The following CLDN14 variants were observed in gnomAD, a reference collection of about 807,000 sequenced individuals.
CLDN14 encodes the protein claudin-14.
Under a neutral mutation model 2.1 loss-of-function variants are expected in CLDN14, and 2 were observed. The observed-to-expected ratio is 0.96, with a 90% CI of 0.39 to 3.01. CLDN14 has a LOEUF of 3.01. Ranked by LOEUF, CLDN14 falls within the 30% of genes most tolerant of loss-of-function variation. The pLI, the probability that CLDN14 is intolerant of heterozygous loss-of-function variation, is 0.09. For missense variants in CLDN14, 298 were observed against 328.0 expected, an observed-to-expected ratio of 0.91 and a Z score of 0.71; for synonymous variants, 136 against 154.4, an observed-to-expected ratio of 0.88 and a Z score of 0.88.
chr21:36,557,767 C>T (rs937836655), intron 1 of CLDN14, among the ~76,000 whole-genome samples: 1 of 152,166 alleles, frequency 6.6e-6, no homozygotes, highest in South Asian at 2.1e-4. Flanking sequence ...TTTTCCTTGG[C>T]TATGCAGAAG....
chr21:36,505,478 C>T (rs939623498), intron 2 of CLDN14, among the ~76,000 whole-genome samples: 1 of 152,134 alleles, frequency 6.6e-6, no homozygotes, highest in African/African-American at 2.4e-5. Flanking sequence ...AGAACAGGAG[C>T]ACTTAGATGA....
chr21:36,496,272 CA>C (rs1199951720), intron 2 of CLDN14, among the ~76,000 whole-genome samples: 1 of 151,286 alleles, frequency 6.6e-6, no homozygotes, highest in Non-Finnish European at 1.5e-5. Context: ...CCCATCTCTA[CA>C]AAAAAATACA....
intron 2 of CLDN14, among the ~76,000 whole-genome samples, chr21:36,496,515 G>A (rs565829104): frequency 6.7e-6 from 1 of 149,988 alleles, no homozygotes; most frequent in South Asian, 2.1e-4. Context: ...TTTCTTCTAG[G>A]GACGAATCCC....
chr21:36,481,240 T>A (rs1362826457), upstream of CLDN14, among the ~76,000 whole-genome samples: 1 of 152,134 alleles, frequency 6.6e-6, no homozygotes. Flanking sequence ...TTTCGTTAGA[T>A]CCTCCACCCC....
chr21:36,512,685 GTGTA>G (rs1220135899), intron 1 of CLDN14, among the ~76,000 whole-genome samples: 1 of 152,152 alleles, frequency 6.6e-6, no homozygotes, highest in Non-Finnish European at 1.5e-5. Flanking sequence ...GGACATATAT[GTGTA>G]TGCATGTGAA....
chr21:36,495,549 CA>C (rs2087008163), intron 2 of CLDN14, among the ~76,000 whole-genome samples: 1 of 152,188 alleles, frequency 6.6e-6, no homozygotes, highest in South Asian at 2.1e-4. Flanking sequence ...CTGACTTCAT[CA>C]AAAAAGCAGG....
rs185976630 is a variant in CLDN14 at position 36,528,119 on chromosome 21, C to T, written c.-219-17619G>A. Among the ~76,000 whole-genome samples the T allele has an allele frequency of 7.0e-3, 1,062 of 152,250 alleles. 13 individuals are homozygous for T. Among genetic ancestry groups the T allele is most frequent in the African/African-American group, 0.024 (998 of 41,548 alleles). ...CTCTCAGATCATCCTTGTTTTTCAA[C>T]TTCTCTGTTTGATTCCAGCAAATTC... On this transcript the variant is annotated intron_variant, in intron 1 of 2. Coordinates refer to the CLDN14 transcript ENST00000342108.
At chr21:36,561,354 A>G (rs1441778835) in intron 1 of CLDN14, among the ~76,000 whole-genome samples, 1 of 152,126 alleles carries the variant, frequency 6.6e-6, no homozygotes, top group African/African-American at 2.4e-5. Context: ...AACCAAGGGA[A>G]ATTTTTTCTT....
At chr21:36,517,724 C>T (rs1349856463) in intron 1 of CLDN14, among the ~76,000 whole-genome samples, 1 of 152,186 alleles carries the variant, frequency 6.6e-6, no homozygotes, top group Non-Finnish European at 1.5e-5. Context: ...ATTAATTTTA[C>T]AGGGCAACTT....
At chr21:36,546,708 A>G (rs528151660) in intron 1 of CLDN14, among the ~76,000 whole-genome samples, 1 of 152,232 alleles carries the variant, frequency 6.6e-6, no homozygotes, top group Non-Finnish European at 1.5e-5. Flanking sequence ...TTATGTATCC[A>G]TCACCAAACT....
intron 2 of CLDN14, among the ~76,000 whole-genome samples, chr21:36,500,243 C>T (rs1392418551): frequency 6.6e-6 from 1 of 152,074 alleles, no homozygotes; most frequent in Non-Finnish European, 1.5e-5. Context: ...CTTCCCTGTA[C>T]CCGCCCTCTC....
chr21:36,486,915 C>T, intron 2 of CLDN14: 1 of 607,266 alleles, frequency 1.6e-6, no homozygotes, highest in South Asian at 1.6e-5. Flanking sequence ...TGAGTGTGGT[C>T]AGCACTTCAC....
chr21:36,527,782 C>A (rs1311994240), intron 1 of CLDN14, among the ~76,000 whole-genome samples: 1 of 151,850 alleles, frequency 6.6e-6, no homozygotes. Context: ...AATCTAATGT[C>A]CTAATTTCTT....
chr21:36,519,454 G>C lies in CLDN14; in HGVS notation c.-219-8954C>G, dbSNP rs566306118. Among the ~76,000 whole-genome samples, 9 of 152,338 alleles carry C rather than the reference G, an allele frequency of 5.9e-5. No individual in the cohort carries two copies. The East Asian group carries it at 1.7e-3, about 29-fold the overall frequency. On this transcript the variant is annotated intron_variant, in intron 1 of 2. Coordinates refer to the CLDN14 transcript ENST00000342108. The stretch of plus-strand genomic sequence containing the variant: ...TAGCCAGACGTGGTGGCTCTTGCCT[G>C]TAATCCCAGCACTTGGGAGGCTGAG...
intron 2 of CLDN14, among the ~76,000 whole-genome samples, chr21:36,492,851 G>A (rs2086981999): frequency 6.6e-6 from 1 of 152,176 alleles, no homozygotes; most frequent in Non-Finnish European, 1.5e-5. Flanking sequence ...GCCTTCAGAG[G>A]GTCGTGGCCC....
intron 1 of CLDN14, among the ~76,000 whole-genome samples, chr21:36,550,929 G>C (rs1231203117): frequency 6.6e-6 from 1 of 152,190 alleles, no homozygotes; most frequent in Non-Finnish European, 1.5e-5. Context: ...TGGTGAGGAT[G>C]AGGTCACCCT....
chr21:36,519,238 AC>A (rs1337800772), intron 1 of CLDN14, among the ~76,000 whole-genome samples: 4 of 152,268 alleles, frequency 2.6e-5, no homozygotes, highest in Admixed American at 6.5e-5. Flanking sequence ...AAGGATATGA[AC>A]CATATGGTAG....
intron 1 of CLDN14, among the ~76,000 whole-genome samples, chr21:36,541,150 G>A (rs183464777): frequency 2.0e-5 from 3 of 152,324 alleles, no homozygotes; most frequent in Admixed American, 2.0e-4. Flanking sequence ...GGACGGGCTG[G>A]TGGGGAGAAC....
At chr21:36,508,991 C>T (rs577089830) in intron 2 of CLDN14, among the ~76,000 whole-genome samples, 32 of 152,318 alleles carry the variant, frequency 2.1e-4, no homozygotes, top group Middle Eastern at 6.8e-3. Context: ...AGGCTGCTCC[C>T]CGCTGGCCCT....
Sources: gnomAD v4.1 joint callset for allele counts (sites outside exome capture counted in the v4.1 genomes callset) on GRCh38, gnomAD v4.1.1 for gene constraint, MANE v1.5 for transcripts, NCBI Gene and HGNC (gene_info 2026-07-23, HGNC 2026-07-21) for gene names.